MED15: variants seen among roughly 807,000 people sequenced by gnomAD.
The protein encoded by MED15 is mediator complex subunit 15.
Under a neutral mutation model 118.7 loss-of-function variants are expected in MED15, and 41 were observed. That is an observed-to-expected ratio of 0.35 (90% CI 0.27 to 0.45). MED15 has a LOEUF of 0.45. MED15 is among the 20% of genes least tolerant of loss of function. The pLI is 1.00. For missense variants in MED15, 740 were observed against 1,025.5 expected (o/e 0.72, Z 3.80); for synonymous variants, 436 against 413.9 (o/e 1.05, Z -0.65).
At position 20,582,621 on chromosome 22, in the gene MED15, G is replaced by A. The variant is rs371330140; in HGVS notation, c.1283G>A (p.Ser428Asn). 2.4e-5 allele frequency: 37 copies of A among 1,558,192 alleles called. No homozygotes were observed. The highest frequency in any genetic ancestry group is 3.2e-5 in the Non-Finnish European group (37 of 1,158,290). ...GRQPMAQVSQSSLPMLSSPSP... is the reference protein window; with the variant it reads ...GRQPMAQVSQNSLPMLSSPSP... ...CCCCTCCACTTCCAGGTCAGCCAGAGCAGCCTCCCCATGCTGTCCTCGCCG... is the reference window on the plus strand; with the variant it reads ...CCCCTCCACTTCCAGGTCAGCCAGAACAGCCTCCCCATGCTGTCCTCGCCG... The change falls in exon 10 of 18, where the codon AGC becomes AAC. Residue 428 changes from serine to asparagine, a missense_variant. Coordinates refer to ENST00000263205, the MANE Select transcript of MED15 (RefSeq NM_001003891.3).
chr22:20,579,156 C>T (rs918074338), intron 9 of MED15, among the ~76,000 whole-genome samples: 5 of 152,192 alleles, frequency 3.3e-5, no homozygotes, highest in African/African-American at 1.2e-4. Context: ...GTTCCCTGCT[C>T]CAATCCCAGA....
At position 20,586,649 on chromosome 22, in the gene MED15, C is replaced by T. The variant is rs775185392; in HGVS notation, c.2312C>T (p.Ala771Val). Residue 771 changes from alanine (A) to valine (V), a missense_variant, in exon 18 of 18, where the codon GCC becomes GTC. Physicochemically the swap from Ala to Val is moderately conservative, Grantham distance 64 (BLOSUM62 0). Coordinates refer to ENST00000263205, the MANE Select transcript of MED15 (RefSeq NM_001003891.3). ...CTCCCGGACAAGCACTCGGTCACCG[C>T]CTTGCTCAACACCTGGGCCCAGAGC... ...LQLPDKHSVT[A>V]LLNTWAQSVH... 6.2e-7 allele frequency: 1 copy of T among 1,613,048 alleles called. No homozygotes were observed. The highest frequency in any genetic ancestry group is 1.3e-5 in the African/African-American group (1 of 75,068).
intron 9 of MED15, 136 bp downstream of exon 9, chr22:20,575,368 CTTT>C (rs34936571): frequency 2.9e-3 from 2,508 of 878,822 alleles, no homozygotes; most frequent in Middle Eastern, 3.5e-3. Flanking sequence ...CCCACAGTCC[CTTT>C]TTTTTTTTTT....
chr22:20,522,619 G>T (rs2054501893), intron 1 of MED15: 1 of 152,240 alleles, frequency 6.6e-6, no homozygotes, highest in Admixed American at 6.5e-5. Context: ...CACTCCACCA[G>T]TTCTCCTGCC....
chr22:20,519,745 G>A (rs1888551322), intron 1 of MED15, among the ~76,000 whole-genome samples: 2 of 152,146 alleles, frequency 1.3e-5, no homozygotes, highest in African/African-American at 4.8e-5. Flanking sequence ...GTGAGCCATT[G>A]CATCCGGCCT....
intron 1 of MED15, among the ~76,000 whole-genome samples, chr22:20,529,776 G>A (rs981271065): frequency 7.3e-5 from 11 of 151,540 alleles, no homozygotes; most frequent in African/African-American, 2.7e-4. Flanking sequence ...ATTTTTAGTA[G>A]GGATGGGGTT....
chr22:20,556,097 T>A (rs1317890342), intron 5 of MED15, among the ~76,000 whole-genome samples: 1 of 152,122 alleles, frequency 6.6e-6, no homozygotes, highest in Non-Finnish European at 1.5e-5. Context: ...GCAAAGTGCT[T>A]TAGTGTTTTT....
chr22:20,527,044 T>C (rs1045658753), intron 1 of MED15, among the ~76,000 whole-genome samples: 6 of 152,222 alleles, frequency 3.9e-5, no homozygotes, highest in Non-Finnish European at 7.3e-5. Flanking sequence ...TACACTGCGC[T>C]GCCCTTGTGC....
rs34157424 is a variant in MED15 at position 20,569,609 on chromosome 22, C to T, written c.1152+978C>T. Among the ~76,000 whole-genome samples the T allele has an allele frequency of 4.4e-3, 667 of 152,038 alleles. 3 individuals are homozygous for T. Among genetic ancestry groups the T allele is most frequent in the Middle Eastern group, 0.017 (5 of 292 alleles). On this transcript the variant is annotated intron_variant, in intron 8 of 17. Coordinates refer to ENST00000263205, the MANE Select transcript of MED15 (RefSeq NM_001003891.3). Reference sequence around the variant, plus strand: ...TAATGTCCTTCATGGTGCCTGCTACCTCTTTTAAGTCCCTGGGAAGCTGCC... The same window carrying T: ...TAATGTCCTTCATGGTGCCTGCTACTTCTTTTAAGTCCCTGGGAAGCTGCC...
chr22:20,524,228 G>A (rs2054555559), intron 1 of MED15: 1 of 152,186 alleles, frequency 6.6e-6, no homozygotes. Context: ...ATTGATGACT[G>A]AACAATCGGT....
At chr22:20,562,371 A>G (rs1011765894) in intron 5 of MED15, among the ~76,000 whole-genome samples, 7 of 151,880 alleles carry the variant, frequency 4.6e-5, no homozygotes, top group African/African-American at 1.7e-4. Flanking sequence ...AAAATTTAAA[A>G]GTATTGTCAT....
At chr22:20,567,368 A>G (rs1374871318) in intron 7 of MED15, among the ~76,000 whole-genome samples, 1 of 152,208 alleles carries the variant, frequency 6.6e-6, no homozygotes, top group Non-Finnish European at 1.5e-5. Context: ...ACAGGCACAG[A>G]GGACAGAGTA....
rs766594813 is a variant in MED15, at chr22:20,564,523, G to A, written c.525G>A (p.Ala175=). ...QQQQFQQQQQ[A]ALQQQQQQQQ... ...AGCAGTTCCAGCAGCAGCAGCAGGC[G>A]GCGCTACAGCAGCAGCAGCAGCAGC... The change falls in exon 6 of 18, where the codon GCG becomes GCA. Residue 175 remains alanine (A), a synonymous_variant. Transcript: ENST00000263205. 8 of 1,605,068 alleles carry A rather than the reference G, an allele frequency of 5.0e-6. No individual in the cohort carries two copies. Among genetic ancestry groups the A allele is most frequent in the Admixed American group, 1.7e-5 (1 of 59,860 alleles).
At chr22:20,570,477 T>C (rs1162941338) in intron 8 of MED15, among the ~76,000 whole-genome samples, 1 of 151,288 alleles carries the variant, frequency 6.6e-6, no homozygotes, top group Non-Finnish European at 1.5e-5. Context: ...CTGCAACTTC[T>C]GCCTCCTGGG....
chr22:20,586,054 A>G (rs143107601), intron 17 of MED15, among the ~76,000 whole-genome samples: 1 of 152,222 alleles, frequency 6.6e-6, no homozygotes, highest in Non-Finnish European at 1.5e-5. Flanking sequence ...CGCCCCTTCA[A>G]CTTGTGTCAC....
chr22:20,584,289 T>C, intron 13 of MED15, 70 bp from the exon 14 acceptor site: 1 of 1,485,498 alleles, frequency 6.7e-7, no homozygotes, highest in South Asian at 1.1e-5. Flanking sequence ...CCAGTGGCAG[T>C]AGTTGGGATC....
At chr22:20,518,068 G>A (rs2054314560) in intron 1 of MED15, among the ~76,000 whole-genome samples, 1 of 152,254 alleles carries the variant, frequency 6.6e-6, no homozygotes, top group South Asian at 2.1e-4. Context: ...CTGTGCTGCT[G>A]TTGACATTGA....
In MED15 at chr22:20,554,969, G is replaced by T. The variant is rs2055932354; in HGVS notation, c.272G>T (p.Gly91Val). The change falls in exon 5 of 18, where the codon GGA becomes GTA. Residue 91 changes from glycine (G) to valine (V), a missense_variant. By Grantham distance (109) the Gly-to-Val change is moderately radical (BLOSUM62 -3). Coordinates refer to ENST00000263205, the MANE Select transcript of MED15 (RefSeq NM_001003891.3). Reference sequence around the variant, plus strand: ...AATGCACTCCAGAGCCTGACTGGCGGACCTGCTGCGGGAGCCGCTGGAATT... The same window carrying T: ...AATGCACTCCAGAGCCTGACTGGCGTACCTGCTGCGGGAGCCGCTGGAATT... ...PMNALQSLTG[G>V]PAAGAAGIGM... 1 of 1,610,090 alleles carries T rather than the reference G, an allele frequency of 6.2e-7. No homozygotes were observed. Among genetic ancestry groups the T allele is most frequent in the African/African-American group, 1.3e-5 (1 of 75,026 alleles).
At chr22:20,522,122 A>G (rs1284666301) in intron 1 of MED15, 2 of 152,178 alleles carry the variant, frequency 1.3e-5, no homozygotes, top group Non-Finnish European at 2.9e-5. Context: ...TTAGTTCCAG[A>G]TGTTGGCTAC....
Sources: allele counts gnomAD v4.1 joint callset (sites outside exome capture counted in the v4.1 genomes callset), GRCh38; gene constraint gnomAD v4.1.1; transcripts MANE v1.5; gene names NCBI Gene and HGNC (gene_info 2026-07-23, HGNC 2026-07-21).